Variants in C4orf33 observed in about 807,000 individuals in gnomAD.
C4orf33 encodes chromosome 4 open reading frame 33.
A neutral mutation model predicts 24.3 loss-of-function variants in C4orf33; 20 were observed. That is an observed-to-expected ratio of 0.82 (90% CI 0.58 to 1.19). C4orf33 has a LOEUF of 1.19. C4orf33 is among the 50% of genes most tolerant of loss of function. The pLI, the probability that C4orf33 is intolerant of heterozygous loss-of-function variation, is 0.00. For synonymous variants in C4orf33, 67 were observed against 76.4 expected, an observed-to-expected ratio of 0.88 and a Z score of 0.64; for missense variants, 207 against 225.9, an observed-to-expected ratio of 0.92 and a Z score of 0.54.
intron 5 of C4orf33, among the ~76,000 whole-genome samples, chr4:129,110,594 C>G (rs971541871): frequency 2.6e-5 from 4 of 152,176 alleles, no homozygotes; most frequent in African/African-American, 4.8e-5. Flanking sequence ...CAGAAACATC[C>G]TAGTGAGCAT....
chr4:129,100,917 A>AT (rs1477774054), intron 1 of C4orf33, among the ~76,000 whole-genome samples: 4 of 152,104 alleles, frequency 2.6e-5, no homozygotes, highest in African/African-American at 4.8e-5. Flanking sequence ...AGGATTACAC[A>AT]TTTTTTTTGT....
At chr4:129,106,468 T>G in intron 2 of C4orf33, 119 bp from the exon 3 acceptor site, 1 of 530,364 alleles carries the variant, frequency 1.9e-6, no homozygotes, top group Non-Finnish European at 3.3e-6. Flanking sequence ...CTTTTTCCTA[T>G]TGGGGATAGT....
At position 129,114,132 on chromosome 4, in the gene C4orf33, T is replaced by C. The variant is rs967102953; in HGVS notation, c.*2341T>C. 2 of 152,258 alleles carry C rather than the reference T, an allele frequency of 1.3e-5. No homozygotes were observed. The highest frequency in any genetic ancestry group is 4.8e-5 in the African/African-American group (2 of 41,468). The allele number at this position is 152,258 out of a possible 1,614,324, so 9.4% of individuals were successfully genotyped here. A position where few individuals can be genotyped will look rare whatever the true frequency, so the allele number is the denominator to read the frequency against. ...CTGGCCAGTTGCCTCAGCTGTACTG[T>C]GTATGTCTTACTTCCTGCCCCTAGG... On this transcript the variant is annotated 3_prime_UTR_variant, in exon 6 of 6. Transcript: ENST00000425929.
At chr4:129,102,897 A>G (rs1184242004) in intron 2 of C4orf33, 106 bp downstream of exon 2, 2 of 956,808 alleles carry the variant, frequency 2.1e-6, no homozygotes, top group Non-Finnish European at 3.1e-6. Context: ...CTTCTGAGCA[A>G]TTGACATGTA....
chr4:129,112,735 A>G lies in C4orf33; in HGVS notation c.*944A>G, dbSNP rs947013403. The stretch of plus-strand genomic sequence containing the variant: ...TTGAACAATCACTAGTGATGGTTAA[A>G]TGTGGCTTATCGACTTACTCATTTC... On this transcript the variant is annotated 3_prime_UTR_variant, in exon 6 of 6. Transcript: ENST00000425929. 1.3e-5 allele frequency: 2 copies of G among 152,196 alleles called. No individual in the cohort carries two copies. The highest frequency in any genetic ancestry group is 4.8e-5 in the African/African-American group (2 of 41,468). 9.4% of individuals were successfully genotyped at this position (152,196 alleles called of 1,614,324 possible).
Position 129,115,083 on chromosome 4 carries a change from A to G in C4orf33, c.*3292A>G, listed in dbSNP as rs1753753332. 1 of 152,248 alleles carries G rather than the reference A, an allele frequency of 6.6e-6. No individual in the cohort carries two copies. Among genetic ancestry groups the G allele is most frequent in the African/African-American group, 2.4e-5 (1 of 41,466 alleles). The allele number at this position is 152,248 out of a possible 1,614,324, so 9.4% of individuals were successfully genotyped here. Reference sequence around the variant, plus strand: ...ACAGAATTTGTGATGGAAGAGAGAGATGATAACTATCAATTATAGACTTGA... The same window carrying G: ...ACAGAATTTGTGATGGAAGAGAGAGGTGATAACTATCAATTATAGACTTGA... On this transcript the variant is annotated 3_prime_UTR_variant, in exon 6 of 6. Coordinates refer to ENST00000425929, the MANE Select transcript of C4orf33 (RefSeq NM_001099783.2).
At position 129,102,713 on chromosome 4, in the gene C4orf33, A is replaced by G. The variant is rs767216654; in HGVS notation, c.103A>G (p.Ser35Gly). The G allele has an allele frequency of 1.2e-6, 2 of 1,614,152 alleles. No homozygotes were observed. The highest frequency in any genetic ancestry group is 4.5e-5 in the East Asian group (2 of 44,882). ...PGDRGVMMDI[S>G]APFFRDPPAP... ...TGACAGAGGAGTGATGATGGACATT[A>G]GTGCTCCATTTTTCAGGGATCCTCC... is the stretch of plus-strand genomic sequence containing the variant. The change falls in exon 2 of 6, where the codon AGT becomes GGT. Residue 35 changes from serine to glycine, a missense_variant. Physicochemically the swap from Ser to Gly is moderately conservative, Grantham distance 56. Coordinates refer to ENST00000425929, the MANE Select transcript of C4orf33 (RefSeq NM_001099783.2).
intron 2 of C4orf33, among the ~76,000 whole-genome samples, chr4:129,105,462 C>G (rs1011669242): frequency 6.6e-6 from 1 of 152,072 alleles, no homozygotes; most frequent in Non-Finnish European, 1.5e-5. Context: ...TTGACAGATA[C>G]AATTAACTAT....
At chr4:129,110,841 C>G (rs763440490) in intron 5 of C4orf33, among the ~76,000 whole-genome samples, 1 of 151,884 alleles carries the variant, frequency 6.6e-6, no homozygotes. Flanking sequence ...TTTTTCTTAT[C>G]CTTCACTGTT....
At chr4:129,105,265 G>A (rs1337414851) in intron 2 of C4orf33, among the ~76,000 whole-genome samples, 13 of 152,084 alleles carry the variant, frequency 8.5e-5, no homozygotes, top group Admixed American at 8.5e-4. Flanking sequence ...CTCTCTTGAG[G>A]GAGGTCAGTC....
rs139846925 is a variant in C4orf33, at chr4:129,104,736, C to T, written c.182-1851C>T. ...CTTCTCCTGGAATCCTTCACTAAACCACTTTTTTGAGCTAAACATCTGTTT... is the reference window on the plus strand; with the variant it reads ...CTTCTCCTGGAATCCTTCACTAAACTACTTTTTTGAGCTAAACATCTGTTT... On this transcript the variant is annotated intron_variant, in intron 2 of 5. Coordinates refer to ENST00000425929, the MANE Select transcript of C4orf33 (RefSeq NM_001099783.2). 1.8e-3 allele frequency among the ~76,000 whole-genome samples: 245 copies of T among 136,384 alleles called. 1 individual carries two copies. The highest frequency in any genetic ancestry group is 7.2e-3 in the Middle Eastern group (2 of 276). The allele number at this position is 136,384 out of a possible 152,430, so 89.5% of individuals were successfully genotyped here.
At position 129,115,927 on chromosome 4, in the gene C4orf33, T is replaced by C. The variant is rs900399477; in HGVS notation, c.*4136T>C. The C allele has an allele frequency of 6.7e-6, 1 of 149,882 alleles. No individual in the cohort carries two copies. The highest frequency in any genetic ancestry group is 1.5e-5 in the Non-Finnish European group (1 of 67,568). 9.3% of individuals were successfully genotyped at this position (149,882 alleles called of 1,614,324 possible). On this transcript the variant is annotated 3_prime_UTR_variant, in exon 6 of 6. Transcript: ENST00000425929. ...ATATTTTTTGTTAAATCACCATTCC[T>C]GGGCCCTACTCATTTTCTGATAATT...
At chr4:129,097,373 C>G (rs1326920754) in intron 1 of C4orf33, among the ~76,000 whole-genome samples, 3 of 152,184 alleles carry the variant, frequency 2.0e-5, no homozygotes, top group African/African-American at 4.8e-5. Flanking sequence ...ACTGTTACCA[C>G]TCGTTTCTTG....
At position 129,100,547 on chromosome 4, in the gene C4orf33, A is replaced by G. The variant is rs931766078; in HGVS notation, c.-9-2055A>G. On this transcript the variant is annotated intron_variant, in intron 1 of 5. Transcript: ENST00000425929. ...AGCATATCACTGGATATCACTGGAT[A>G]TCACTGGATATGGTTTTATTCCATT... The G allele has an allele frequency of 4.8e-4, 73 of 152,198 alleles. 1 individual carries two copies. Among genetic ancestry groups the G allele is most frequent in the Non-Finnish European group, 1.5e-4 (10 of 68,028 alleles). The allele number at this position is 152,198 out of a possible 1,614,324, so 9.4% of individuals were successfully genotyped here.
At chr4:129,094,379 T>C (rs1753111075), upstream of C4orf33, among the ~76,000 whole-genome samples, 1 of 152,194 alleles carries the variant, frequency 6.6e-6, no homozygotes, top group Non-Finnish European at 1.5e-5. Context: ...AGCTAGCCAC[T>C]AGTTTTGTGC....
At chr4:129,106,513 C>A in intron 2 of C4orf33, 74 bp from the exon 3 acceptor site, 1 of 741,268 alleles carries the variant, frequency 1.3e-6, no homozygotes, top group South Asian at 1.9e-5. Context: ...ATTTTATATT[C>A]TAAAGGAATA....
In C4orf33 at chr4:129,115,831, A is replaced by ATATATATATATATATAT. The variant is rs1561095059; in HGVS notation, c.*4040_*4041insTATATATATATATATAT. ...ATATATATATATATATATATATATAAAATATATATGTTTATATATAACATA... is the reference window on the plus strand; with the variant it reads ...ATATATATATATATATATATATATAATATATATATATATATATAATATATATGTTTATATATAACATA... On this transcript the variant is annotated 3_prime_UTR_variant, in exon 6 of 6. Coordinates refer to ENST00000425929, the MANE Select transcript of C4orf33 (RefSeq NM_001099783.2). 39 of 43,722 alleles carry ATATATATATATATATAT rather than the reference A, an allele frequency of 8.9e-4. No individual in the cohort carries two copies. Among genetic ancestry groups the ATATATATATATATATAT allele is most frequent in the Admixed American group, 3.4e-3 (13 of 3,840 alleles). 2.7% of individuals were successfully genotyped at this position (43,722 alleles called of 1,614,324 possible).
chr4:129,099,614 A>C (rs778536329), intron 1 of C4orf33, among the ~76,000 whole-genome samples: 4 of 152,230 alleles, frequency 2.6e-5, no homozygotes, highest in Non-Finnish European at 5.9e-5. Flanking sequence ...TTGCCATGTA[A>C]GAATAGAAAT....
At chr4:129,097,022 C>T (rs1037936536) in intron 1 of C4orf33, among the ~76,000 whole-genome samples, 55 of 152,134 alleles carry the variant, frequency 3.6e-4, no homozygotes, top group African/African-American at 1.0e-3. Context: ...GATTCTTCTG[C>T]CTCAACCTCC....
Sources: gnomAD v4.1 joint callset for allele counts (sites outside exome capture counted in the v4.1 genomes callset) on GRCh38, gnomAD v4.1.1 for gene constraint, MANE v1.5 for transcripts, NCBI Gene and HGNC (gene_info 2026-07-23, HGNC 2026-07-21) for gene names.